The following SV2C variants were observed in gnomAD, a reference collection of about 807,000 sequenced individuals.
SV2C encodes solute carrier family 22 member B3.
SV2C carries 49 observed loss-of-function variants against 79.7 expected under a neutral mutation model. The observed-to-expected ratio is 0.61, with a 90% confidence interval of 0.49 to 0.78. The LOEUF (loss-of-function observed/expected upper bound fraction) is 0.78, where lower values mean the gene tolerates loss of function less well. Ranked by LOEUF, SV2C falls within the 30% of genes least tolerant of loss-of-function variation. The pLI, the probability that SV2C is intolerant of heterozygous loss-of-function variation, is 0.00. For synonymous variants in SV2C, 334 were observed against 333.2 expected (o/e 1.00, Z -0.03); for missense variants, 833 against 912.9 (o/e 0.91, Z 1.13).
At chr5:75,911,573 CT>C in the SV2C span, 3 of 676,176 alleles carry the variant, frequency 4.4e-6, no homozygotes, top group Non-Finnish European at 8.2e-6. Context: ...GAGTTCTCCC[CT>C]AATCCAGAAC....
At chr5:75,887,706 T>TA in the SV2C span, among the ~76,000 whole-genome samples, 215 of 152,234 alleles carry the variant, frequency 1.4e-3, 1 homozygote, top group African/African-American at 4.2e-3. Context: ...TGGTGGGACT[T>TA]AGAGCATTCC....
chr5:75,847,668 C>T, the SV2C span, among the ~76,000 whole-genome samples: 131 of 152,220 alleles, frequency 8.6e-4, 1 homozygote, highest in Non-Finnish European at 1.6e-3. Flanking sequence ...CTCTTTGATT[C>T]TAAGTTTGAG....
At chr5:75,850,327 G>A in the SV2C span, among the ~76,000 whole-genome samples, 1 of 152,106 alleles carries the variant, frequency 6.6e-6, no homozygotes, top group South Asian at 2.1e-4. Context: ...GTGTGATCAT[G>A]TTTTTCACTT....
intron 2 of SV2C, among the ~76,000 whole-genome samples, chr5:76,169,469 T>G (rs981562671): frequency 6.6e-6 from 1 of 152,226 alleles, no homozygotes; most frequent in Non-Finnish European, 1.5e-5. Context: ...AGGTATATTT[T>G]ATCTCAGACT....
the SV2C span, among the ~76,000 whole-genome samples, chr5:75,982,289 A>G: frequency 0.17 from 25,487 of 152,130 alleles, 2,238 homozygotes; most frequent in Middle Eastern, 0.21. Context: ...CAACTCCATT[A>G]AAAAGTGGGC....
At chr5:76,173,898 G>C in intron 2 of SV2C, 1 of 1,594,408 alleles carries the variant, frequency 6.3e-7, no homozygotes, top group Non-Finnish European at 8.6e-7. Flanking sequence ...TGTTCTCTCA[G>C]GTCTTGTAAA....
In SV2C at chr5:76,231,302, A is replaced by G. The variant is rs78739961; in HGVS notation, c.913+21415A>G. On this transcript the variant is annotated intron_variant, in intron 4 of 12. Transcript: ENST00000502798. ...GTTAGTTTGATTTAATCATTTCACAATGTAAACATATGTTACAATATCACA... is the reference window on the plus strand; with the variant it reads ...GTTAGTTTGATTTAATCATTTCACAGTGTAAACATATGTTACAATATCACA... 4.5e-3 allele frequency among the ~76,000 whole-genome samples: 679 copies of G among 152,362 alleles called. 19 individuals are homozygous for G. In the East Asian group the frequency reaches 0.064, roughly 14 times the overall value.
At chr5:76,120,632 C>A (rs897532303) in intron 1 of SV2C, among the ~76,000 whole-genome samples, 2 of 148,204 alleles carry the variant, frequency 1.3e-5, no homozygotes, top group Non-Finnish European at 3.0e-5. Context: ...GTTTTTTGTC[C>A]TTGTGATAGT....
chr5:76,108,542 G>A (rs1173423043), intron 1 of SV2C, among the ~76,000 whole-genome samples: 4 of 151,762 alleles, frequency 2.6e-5, no homozygotes, highest in East Asian at 3.9e-4. Flanking sequence ...TTAAGCACAG[G>A]TGTTCTTAAA....
At chr5:75,885,677 G>T in the SV2C span, among the ~76,000 whole-genome samples, 1 of 152,110 alleles carries the variant, frequency 6.6e-6, no homozygotes, top group South Asian at 2.1e-4. Flanking sequence ...ATACTCCCAA[G>T]TAGCTGGGAC....
intron 4 of SV2C, among the ~76,000 whole-genome samples, chr5:76,256,260 G>A (rs781659147): frequency 5.7e-4 from 87 of 152,326 alleles, no homozygotes; most frequent in Middle Eastern, 3.4e-3. Context: ...GACTTAGAAT[G>A]CAGACTCATT....
intron 12 of SV2C, among the ~76,000 whole-genome samples, chr5:76,343,059 G>T (rs1262617262): frequency 1.3e-5 from 2 of 152,068 alleles, no homozygotes; most frequent in African/African-American, 4.8e-5. Flanking sequence ...ATGCACAGAA[G>T]TTCCTAATTG....
upstream of SV2C, chr5:76,082,515 CCT>C (rs146272772): frequency 1.1e-4 from 16 of 149,744 alleles, no homozygotes; most frequent in South Asian, 2.1e-4. Flanking sequence ...TCTCTCTCTC[CCT>C]CTCTCTCTCT....
intron 4 of SV2C, among the ~76,000 whole-genome samples, chr5:76,216,864 C>T (rs544416571): frequency 6.6e-6 from 1 of 152,286 alleles, no homozygotes; most frequent in Non-Finnish European, 1.5e-5. Flanking sequence ...TCTATGTTGG[C>T]TGAGAGCTTT....
At chr5:76,275,641 A>C (rs1045140330) in intron 4 of SV2C, among the ~76,000 whole-genome samples, 3 of 152,208 alleles carry the variant, frequency 2.0e-5, no homozygotes, top group African/African-American at 7.2e-5. Flanking sequence ...TGGCACCTTG[A>C]AAGGTTTCAG....
chr5:76,145,008 C>T (rs1012480571), intron 2 of SV2C, among the ~76,000 whole-genome samples: 3 of 152,212 alleles, frequency 2.0e-5, no homozygotes, highest in African/African-American at 4.8e-5. Flanking sequence ...AAGAGAAGAG[C>T]TCACACAGAG....
At chr5:76,251,276 C>G (rs1175606833) in intron 4 of SV2C, among the ~76,000 whole-genome samples, 7 of 152,060 alleles carry the variant, frequency 4.6e-5, no homozygotes, top group Admixed American at 4.6e-4. Context: ...GGCATGGTGG[C>G]TCATGCCTGT....
the SV2C span, among the ~76,000 whole-genome samples, chr5:76,052,056 A>C: frequency 3.7e-4 from 56 of 152,274 alleles, no homozygotes; most frequent in Non-Finnish European, 6.3e-4. Flanking sequence ...CATCTCCCAA[A>C]GTTTCCCTCT....
chr5:76,245,621 G>A (rs751022960), intron 4 of SV2C, among the ~76,000 whole-genome samples: 5 of 152,152 alleles, frequency 3.3e-5, no homozygotes, highest in African/African-American at 4.8e-5. Flanking sequence ...TTCTAAGGCC[G>A]TGGTCCAGTT....
Sources: gnomAD v4.1 joint callset for allele counts (sites outside exome capture counted in the v4.1 genomes callset) on GRCh38, gnomAD v4.1.1 for gene constraint, MANE v1.5 for transcripts, NCBI Gene and HGNC (gene_info 2026-07-23, HGNC 2026-07-21) for gene names.